Variants in GRIK2 observed in about 807,000 individuals in gnomAD.
GRIK2 encodes glutamate receptor ionotropic, kainate 2.
Under a neutral mutation model 100.3 loss-of-function variants are expected in GRIK2, and 32 were observed. The ratio of observed to expected loss-of-function variants is 0.32; its 90% confidence interval spans 0.24 to 0.43. GRIK2 has a LOEUF of 0.43. Ranked by LOEUF, GRIK2 falls within the 20% of genes least tolerant of loss-of-function variation. The pLI is 1.00. For missense variants in GRIK2, 843 were observed against 1,114.9 expected (o/e 0.76, Z 3.47); for synonymous variants, 417 against 389.4 (o/e 1.07, Z -0.83).
chr6:101,647,163 G>C (rs1433954088), intron 4 of GRIK2, among the ~76,000 whole-genome samples: 2 of 151,956 alleles, frequency 1.3e-5, no homozygotes, highest in Admixed American at 1.3e-4. Context: ...TAATAGTCAG[G>C]TTCTTCACTG....
At chr6:101,913,074 C>G (rs1280629281) in intron 12 of GRIK2, among the ~76,000 whole-genome samples, 3 of 151,498 alleles carry the variant, frequency 2.0e-5, no homozygotes. Context: ...CAAAATAAAT[C>G]TGCTCAAGAA....
intron 7 of GRIK2, among the ~76,000 whole-genome samples, chr6:101,748,165 T>C (rs1409178530): frequency 6.6e-6 from 1 of 152,198 alleles, no homozygotes; most frequent in African/African-American, 2.4e-5. Context: ...TGAAAGATAT[T>C]CATGCAGTCA....
At chr6:101,951,394 T>C (rs749623567) in intron 14 of GRIK2, among the ~76,000 whole-genome samples, 1 of 152,178 alleles carries the variant, frequency 6.6e-6, no homozygotes, top group African/African-American at 2.4e-5. Context: ...AATAGTAAAA[T>C]CAATTGTTGA....
intron 7 of GRIK2, among the ~76,000 whole-genome samples, chr6:101,772,732 T>G (rs1778485928): frequency 6.6e-6 from 1 of 151,500 alleles, no homozygotes; most frequent in South Asian, 2.1e-4. Flanking sequence ...CTTTTATTTT[T>G]TGAAGCTATT....
intron 7 of GRIK2, among the ~76,000 whole-genome samples, chr6:101,780,054 A>T (rs565355785): frequency 1.3e-5 from 2 of 152,124 alleles, no homozygotes; most frequent in Non-Finnish European, 2.9e-5. Flanking sequence ...AATTGTACTG[A>T]TATTTTTAGT....
At chr6:101,862,694 G>A (rs1582404401) in intron 11 of GRIK2, among the ~76,000 whole-genome samples, 1 of 151,748 alleles carries the variant, frequency 6.6e-6, no homozygotes, top group South Asian at 2.1e-4. Context: ...GGAGTAACTG[G>A]GATTATCGAC....
chr6:101,472,224 G>A (rs1771981439), intron 2 of GRIK2, among the ~76,000 whole-genome samples: 1 of 151,670 alleles, frequency 6.6e-6, no homozygotes, highest in Non-Finnish European at 1.5e-5. Context: ...TTTTGGGATA[G>A]CTTTCTTTTT....
chr6:101,503,310 A>C (rs1773861013), intron 2 of GRIK2, among the ~76,000 whole-genome samples: 1 of 152,186 alleles, frequency 6.6e-6, no homozygotes, highest in South Asian at 2.1e-4. Flanking sequence ...AGGTGAGAGC[A>C]CAGATAGTGT....
chr6:101,725,982 T>C (rs1300660677), intron 7 of GRIK2, among the ~76,000 whole-genome samples: 1 of 151,958 alleles, frequency 6.6e-6, no homozygotes, highest in Admixed American at 6.6e-5. Flanking sequence ...AATTTTTTTC[T>C]ATAAATTTAA....
intron 7 of GRIK2, among the ~76,000 whole-genome samples, chr6:101,715,059 T>TA (rs1773969567): frequency 6.6e-6 from 1 of 151,418 alleles, no homozygotes. Context: ...AGGAACCATA[T>TA]AAAATACCAC....
At chr6:101,598,728 G>A (rs1779050531) in intron 2 of GRIK2, among the ~76,000 whole-genome samples, 1 of 151,214 alleles carries the variant, frequency 6.6e-6, no homozygotes, top group South Asian at 2.1e-4. Context: ...TCAGTAGTCA[G>A]CAATTAAAGT....
intron 7 of GRIK2, among the ~76,000 whole-genome samples, chr6:101,798,946 A>T (rs1304105434): frequency 6.6e-6 from 1 of 152,150 alleles, no homozygotes; most frequent in Non-Finnish European, 1.5e-5. Flanking sequence ...TTACCTGAGA[A>T]GCCAAATGAA....
At chr6:101,949,198 G>T (rs116400492) in intron 14 of GRIK2, among the ~76,000 whole-genome samples, 1 of 140,874 alleles carries the variant, frequency 7.1e-6, no homozygotes, top group Non-Finnish European at 1.5e-5. Context: ...GTGTTTTTGC[G>T]ATTTTTTTTT....
chr6:101,414,943 TGTGTG>T (rs1776052227), intron 2 of GRIK2, among the ~76,000 whole-genome samples: 1 of 60,378 alleles, frequency 1.7e-5, no homozygotes, highest in Non-Finnish European at 3.5e-5. Context: ...TTTAAACTTG[TGTGTG>T]TGTGTGTGTG....
chr6:101,432,564 A>G (rs947578060), intron 2 of GRIK2, among the ~76,000 whole-genome samples: 2 of 152,214 alleles, frequency 1.3e-5, no homozygotes, highest in Non-Finnish European at 2.9e-5. Flanking sequence ...CATAATCTAC[A>G]GGAGGAGATT....
chr6:101,682,501 C>T (rs1489894064), intron 5 of GRIK2, 52 bp from the exon 6 acceptor site: 2 of 794,596 alleles, frequency 2.5e-6, no homozygotes, highest in Non-Finnish European at 2.2e-6. Flanking sequence ...GAATTACTGA[C>T]ATACTGTCTT....
At chr6:101,888,336 T>C (rs1786801326) in intron 11 of GRIK2, among the ~76,000 whole-genome samples, 1 of 152,162 alleles carries the variant, frequency 6.6e-6, no homozygotes, top group African/African-American at 2.4e-5. Flanking sequence ...AAACAGGAAA[T>C]AATAGTAGGA....
intron 2 of GRIK2, among the ~76,000 whole-genome samples, chr6:101,457,415 T>TTAATAGTA (rs541294380): frequency 5.1e-4 from 77 of 152,122 alleles, no homozygotes; most frequent in Non-Finnish European, 9.0e-4. Context: ...CAAATGCAAA[T>TTAATAGTA]TAATAGTATG....
chr6:101,882,814 CTT>C (rs1786348609), intron 11 of GRIK2, among the ~76,000 whole-genome samples: 1 of 151,938 alleles, frequency 6.6e-6, no homozygotes, highest in Non-Finnish European at 1.5e-5. Flanking sequence ...ATATTTTAAA[CTT>C]ACGTAGCTTT....
Sources: allele counts gnomAD v4.1 joint callset (sites outside exome capture counted in the v4.1 genomes callset), GRCh38; gene constraint gnomAD v4.1.1; transcripts MANE v1.5; gene names NCBI Gene and HGNC (gene_info 2026-07-23, HGNC 2026-07-21).